The following GCNT2 variants were observed in gnomAD, a reference collection of about 807,000 sequenced individuals.
GCNT2 encodes the protein glucosaminyl (N-acetyl) transferase 2 (I blood group).
Under a neutral mutation model 34.2 loss-of-function variants are expected in GCNT2, and 34 were observed. The observed-to-expected ratio is 1.00, with a 90% CI of 0.76 to 1.32. The LOEUF is 1.32. Among genes scored for constraint, GCNT2 ranks in the 40% most tolerant of loss-of-function variants. GCNT2 has a pLI of 0.00. For synonymous variants in GCNT2, 212 were observed against 188.0 expected (o/e 1.13, Z -1.04); for missense variants, 584 against 489.4 (o/e 1.19, Z -1.82).
At position 10,577,730 on chromosome 6, in the gene GCNT2, G is replaced by A. The variant is rs150624728; in HGVS notation, c.926-43621G>A. 2.6e-4 allele frequency among the ~76,000 whole-genome samples: 40 copies of A among 151,814 alleles called. No homozygotes were observed. The East Asian group carries it at 7.2e-3, about 27-fold the overall frequency. On this transcript the variant is annotated intron_variant, in intron 3 of 4. Coordinates refer to ENST00000495262, the MANE Select transcript of GCNT2 (RefSeq NM_145649.5). ...TAATTTTTGCATTTTTAGTAGAGACGGAGTTTCACCATGTTGGCCAGGCTG... is the reference window on the plus strand; with the variant it reads ...TAATTTTTGCATTTTTAGTAGAGACAGAGTTTCACCATGTTGGCCAGGCTG...
intron 3 of GCNT2, among the ~76,000 whole-genome samples, chr6:10,572,806 G>A (rs1267444315): frequency 6.6e-6 from 1 of 152,178 alleles, no homozygotes; most frequent in Non-Finnish European, 1.5e-5. Flanking sequence ...TTAAAACTAC[G>A]TTACCCAGTG....
At position 10,529,373 on chromosome 6, in the gene GCNT2, C is replaced by A. The variant is rs767428497; in HGVS notation, c.462C>A (p.Ser154=). The A allele has an allele frequency of 5.6e-6, 9 of 1,613,982 alleles. No homozygotes were observed. Among genetic ancestry groups the A allele is most frequent in the Non-Finnish European group, 4.2e-6 (5 of 1,180,040 alleles). The stretch of plus-strand genomic sequence containing the variant: ...GCTTCCCAAATGCTTTTCTGGCTTC[C>A]AAGAAGGAGTCGGTTGTCTATGGGG... ...LSCFPNAFLA[S]KKESVVYGGI... is the part of the protein sequence containing the mutation. Residue 154 remains serine, a synonymous_variant, in exon 3 of 5, where the codon TCC becomes TCA. Transcript: ENST00000495262.
intron 3 of GCNT2, among the ~76,000 whole-genome samples, chr6:10,551,059 G>A (rs1762458294): frequency 6.6e-6 from 1 of 152,180 alleles, no homozygotes; most frequent in African/African-American, 2.4e-5. Flanking sequence ...ATCTTGAGAT[G>A]TTCATTGGCC....
chr6:10,554,681 T>G (rs928366416), intron 3 of GCNT2, among the ~76,000 whole-genome samples: 3 of 152,166 alleles, frequency 2.0e-5, no homozygotes, highest in African/African-American at 7.2e-5. Context: ...GAAGAAAAAC[T>G]TAGGATTGAA....
chr6:10,578,445 C>CTTTTTTTTTTTTTTTT (rs1211582798), intron 3 of GCNT2, among the ~76,000 whole-genome samples: 1 of 103,948 alleles, frequency 9.6e-6, no homozygotes, highest in Non-Finnish European at 1.9e-5. Context: ...AGCTTACATT[C>CTTTTTTTTTTTTTTTT]TTTTTTTTTT....
chr6:10,547,521 G>A (rs1274470083), intron 3 of GCNT2, among the ~76,000 whole-genome samples: 1 of 152,180 alleles, frequency 6.6e-6, no homozygotes, highest in East Asian at 1.9e-4. Flanking sequence ...TACCTTTTGG[G>A]CAAAGATATG....
At chr6:10,532,520 A>G (rs1581366086) in intron 3 of GCNT2, among the ~76,000 whole-genome samples, 2 of 152,086 alleles carry the variant, frequency 1.3e-5, no homozygotes, top group Non-Finnish European at 1.5e-5. Context: ...TCAACCTCCC[A>G]AAGTGCTGGG....
In GCNT2 at chr6:10,529,396, G is replaced by A; in HGVS notation, c.485G>A (p.Gly162Glu). 6.2e-7 allele frequency: 1 copy of A among 1,614,082 alleles called. No individual in the cohort carries two copies. Among genetic ancestry groups the A allele is most frequent in the South Asian group, 1.1e-5 (1 of 91,074 alleles). ...TCCAAGAAGGAGTCGGTTGTCTATG[G>A]GGGGATCTCCAGGCTCCAGGCTGAC... ...LASKKESVVY[G>E]GISRLQADLN... Residue 162 changes from glycine (G) to glutamate (E), a missense_variant, in exon 3 of 5, where the codon GGG (glycine) becomes GAG (glutamate). Gly to Glu is a moderately conservative substitution (Grantham distance 98). Transcript: ENST00000495262.
intron 3 of GCNT2, among the ~76,000 whole-genome samples, chr6:10,582,936 A>G (rs1764186068): frequency 2.0e-5 from 3 of 152,088 alleles, no homozygotes; most frequent in Middle Eastern, 3.2e-3. Flanking sequence ...ACTGTTCTTT[A>G]TCTTTTCACA....
At chr6:10,545,886 A>C (rs1762243943) in intron 3 of GCNT2, among the ~76,000 whole-genome samples, 1 of 152,194 alleles carries the variant, frequency 6.6e-6, no homozygotes, top group Non-Finnish European at 1.5e-5. Flanking sequence ...GTTACAATGG[A>C]TAGGTCACTG....
At chr6:10,565,691 G>C (rs182631393) in intron 3 of GCNT2, among the ~76,000 whole-genome samples, 4 of 152,228 alleles carry the variant, frequency 2.6e-5, no homozygotes, top group East Asian at 3.9e-4. Flanking sequence ...ACCTACAACA[G>C]TCTTGGTAAA....
chr6:10,592,450 A>G (rs2127419796), intron 3 of GCNT2, among the ~76,000 whole-genome samples: 3 of 152,296 alleles, frequency 2.0e-5, no homozygotes, highest in African/African-American at 7.2e-5. Flanking sequence ...AATGTATCCC[A>G]GCTCTTGTGA....
At chr6:10,564,007 C>T (rs957293961) in intron 3 of GCNT2, among the ~76,000 whole-genome samples, 29 of 152,024 alleles carry the variant, frequency 1.9e-4, no homozygotes, top group African/African-American at 6.3e-4. Flanking sequence ...ATTCAGCTTG[C>T]GGAATGGTTA....
At position 10,556,382 on chromosome 6, in the gene GCNT2, C is replaced by A. The variant is rs777820403; in HGVS notation, c.925+26546C>A. ...CGAGTGAGTTTGGAAAAAAGACTTACAGATTTTGACGGTCTCTTGACATTT... is the reference window on the plus strand; with the variant it reads ...CGAGTGAGTTTGGAAAAAAGACTTAAAGATTTTGACGGTCTCTTGACATTT... On this transcript the variant is annotated intron_variant, in intron 3 of 4. Transcript: ENST00000495262. 3.1e-6 allele frequency: 5 copies of A among 1,611,732 alleles called. No individual in the cohort carries two copies. In the East Asian group the frequency reaches 8.9e-5, roughly 29 times the overall value.
chr6:10,621,560 T>C, intron 4 of GCNT2, 117 bp downstream of exon 4: 1 of 727,218 alleles, frequency 1.4e-6, no homozygotes, highest in East Asian at 2.7e-5. Flanking sequence ...ACCAATCTGT[T>C]AGTTATTGGA....
intron 3 of GCNT2, among the ~76,000 whole-genome samples, chr6:10,620,708 T>C (rs1024487501): frequency 2.0e-5 from 3 of 152,206 alleles, no homozygotes; most frequent in Non-Finnish European, 4.4e-5. Flanking sequence ...GATTTATATA[T>C]TATAATCTTG....
chr6:10,545,678 G>A (rs573101170), intron 3 of GCNT2, among the ~76,000 whole-genome samples: 1 of 152,258 alleles, frequency 6.6e-6, no homozygotes, highest in East Asian at 1.9e-4. Context: ...GCCATGTGAA[G>A]CTGTTTTTAG....
At chr6:10,611,715 T>TTGG (rs1204093206) in intron 3 of GCNT2, among the ~76,000 whole-genome samples, 2 of 148,780 alleles carry the variant, frequency 1.3e-5, no homozygotes, top group African/African-American at 5.2e-5. Context: ...TCCCTGCCAT[T>TTGG]TGGTAATTTT....
intron 3 of GCNT2, among the ~76,000 whole-genome samples, chr6:10,550,285 C>G (rs116549689): frequency 0.081 from 12,266 of 152,142 alleles, 619 homozygotes; most frequent in Middle Eastern, 0.16. Flanking sequence ...AACTCCTTGC[C>G]TTGGCCTCCC....
Sources: allele counts gnomAD v4.1 joint callset (sites outside exome capture counted in the v4.1 genomes callset), GRCh38; gene constraint gnomAD v4.1.1; transcripts MANE v1.5; gene names NCBI Gene and HGNC (gene_info 2026-07-23, HGNC 2026-07-21).